Variants in UPP2 observed in about 807,000 individuals in gnomAD.
The protein encoded by UPP2 is UPase 2.
In UPP2, 23 loss-of-function variants were observed where a neutral mutation model predicts 26.7. That is an observed-to-expected ratio of 0.86 (90% confidence interval 0.62 to 1.22). The LOEUF (loss-of-function observed/expected upper bound fraction) is 1.22. Among genes scored for constraint, UPP2 ranks in the 50% most tolerant of loss-of-function variants. The pLI is 0.00. For synonymous variants in UPP2, 127 were observed against 141.3 expected, an observed-to-expected ratio of 0.90 and a Z score of 0.72; for missense variants, 387 against 396.7, an observed-to-expected ratio of 0.98 and a Z score of 0.21.
chr2:158,043,416 G>A (rs1325896923), intron 3 of UPP2, among the ~76,000 whole-genome samples: 1 of 152,210 alleles, frequency 6.6e-6, no homozygotes, highest in Non-Finnish European at 1.5e-5. Context: ...AAGCCTGGCA[G>A]ATGGGCAGAG....
At chr2:158,019,299 G>C (rs1683710141) in intron 3 of UPP2, among the ~76,000 whole-genome samples, 1 of 152,164 alleles carries the variant, frequency 6.6e-6, no homozygotes, top group Admixed American at 6.6e-5. Context: ...AGGCAAGTTG[G>C]TGGGATATGA....
intron 3 of UPP2, among the ~76,000 whole-genome samples, chr2:158,096,797 T>C (rs946834914): frequency 8.6e-5 from 13 of 152,016 alleles, no homozygotes; most frequent in Admixed American, 2.6e-4. Context: ...TAGAGTGGGA[T>C]AGTATTAAGG....
At chr2:158,119,384 T>C (rs1683511701) in intron 4 of UPP2, among the ~76,000 whole-genome samples, 1 of 152,086 alleles carries the variant, frequency 6.6e-6, no homozygotes, top group Non-Finnish European at 1.5e-5. Flanking sequence ...TTTGAAGTTT[T>C]ATCCTCATTA....
At chr2:157,999,600 C>A (rs1050039722) in intron 2 of UPP2, among the ~76,000 whole-genome samples, 5 of 151,940 alleles carry the variant, frequency 3.3e-5, no homozygotes, top group African/African-American at 1.2e-4. Context: ...CTGCTATAGT[C>A]ATTCACCACA....
At chr2:158,024,595 T>C (rs1221365980) in intron 3 of UPP2, among the ~76,000 whole-genome samples, 4 of 152,176 alleles carry the variant, frequency 2.6e-5, no homozygotes, top group African/African-American at 9.7e-5. Flanking sequence ...AACGTGAGTG[T>C]TAATTTTAAA....
rs201127057 is a variant in UPP2 at position 158,123,906 on chromosome 2, C to A, written c.811+11C>A. 6.2e-7 allele frequency: 1 copy of A among 1,610,690 alleles called. No homozygotes were observed. Reference sequence around the variant, plus strand: ...TCTGTGGTCTAAAAGGTAAGCTTTTCGTGAATGCTTAGGGTCAAATTCTCC... The same window carrying A: ...TCTGTGGTCTAAAAGGTAAGCTTTTAGTGAATGCTTAGGGTCAAATTCTCC... On this transcript the variant is annotated intron_variant, in intron 6 of 6. Coordinates refer to ENST00000005756, the MANE Select transcript of UPP2 (RefSeq NM_173355.4).
intron 3 of UPP2, among the ~76,000 whole-genome samples, chr2:158,018,281 G>A (rs1683692620): frequency 6.6e-6 from 1 of 152,206 alleles, no homozygotes; most frequent in Non-Finnish European, 1.5e-5. Flanking sequence ...CTTGTTTACA[G>A]AATTCAGAAG....
chr2:158,010,842 T>G (rs1683565700), intron 2 of UPP2, among the ~76,000 whole-genome samples: 1 of 151,142 alleles, frequency 6.6e-6, no homozygotes. Flanking sequence ...CTGGGCTCAC[T>G]GCAATCTCTG....
upstream of UPP2, chr2:158,101,848 T>C: frequency 7.5e-7 from 1 of 1,329,346 alleles, no homozygotes; most frequent in South Asian, 2.0e-5. Context: ...GGTATAAAAG[T>C]CATGTCAGGG....
At chr2:158,110,982 C>A (rs1387179592) in intron 2 of UPP2, among the ~76,000 whole-genome samples, 1 of 152,126 alleles carries the variant, frequency 6.6e-6, no homozygotes, top group East Asian at 1.9e-4. Flanking sequence ...ATGGTAGTTT[C>A]TTTTGCTGTG....
intron 3 of UPP2, among the ~76,000 whole-genome samples, chr2:158,084,014 G>C (rs765895711): frequency 1.3e-4 from 19 of 151,654 alleles, no homozygotes; most frequent in Non-Finnish European, 2.4e-4. Flanking sequence ...CTTTTCCTCT[G>C]AGTAGATATC....
intron 3 of UPP2, among the ~76,000 whole-genome samples, chr2:158,051,639 G>GA (rs1343305461): frequency 6.6e-6 from 1 of 152,022 alleles, no homozygotes; most frequent in African/African-American, 2.4e-5. Flanking sequence ...AAATTAGCTG[G>GA]GTGTGGTGGC....
intron 3 of UPP2, among the ~76,000 whole-genome samples, chr2:158,061,680 T>C (rs559370144): frequency 6.6e-6 from 1 of 152,262 alleles, no homozygotes; most frequent in Non-Finnish European, 1.5e-5. Context: ...AAACAGTTTC[T>C]TCTAGATCAT....
chr2:158,003,537 A>T (rs188171225), intron 2 of UPP2, among the ~76,000 whole-genome samples: 1 of 152,044 alleles, frequency 6.6e-6, no homozygotes, highest in East Asian at 1.9e-4. Context: ...GTGAAACCCC[A>T]TCTTTACTAA....
At chr2:158,065,626 T>C (rs1360528841) in intron 3 of UPP2, 2 of 581,880 alleles carry the variant, frequency 3.4e-6, no homozygotes, top group East Asian at 7.7e-5. Context: ...ACCCAACCAA[T>C]GTGACCTTAA....
intron 3 of UPP2, among the ~76,000 whole-genome samples, chr2:158,091,550 C>T (rs980807148): frequency 6.6e-6 from 1 of 152,088 alleles, no homozygotes; most frequent in African/African-American, 2.4e-5. Flanking sequence ...TATTTGTTAC[C>T]CTGTTGCCAC....
intron 2 of UPP2, among the ~76,000 whole-genome samples, chr2:158,001,995 C>A (rs1683416284): frequency 7.1e-6 from 1 of 140,950 alleles, no homozygotes; most frequent in Non-Finnish European, 1.5e-5. Context: ...AGAGAGAGAG[C>A]TGTTACCTTA....
intron 3 of UPP2, chr2:158,065,686 G>A: frequency 3.2e-6 from 2 of 621,568 alleles, no homozygotes; most frequent in South Asian, 3.1e-5. Flanking sequence ...CAATAGATAA[G>A]AGTATGTAAA....
chr2:158,013,029 A>C (rs559658144), intron 2 of UPP2, among the ~76,000 whole-genome samples: 10 of 152,040 alleles, frequency 6.6e-5, no homozygotes, highest in African/African-American at 2.4e-4. Flanking sequence ...TTTTTGAAAT[A>C]GATTCTTGCT....
Sources: allele counts gnomAD v4.1 joint callset (sites outside exome capture counted in the v4.1 genomes callset), GRCh38; gene constraint gnomAD v4.1.1; transcripts MANE v1.5; gene names NCBI Gene and HGNC (gene_info 2026-07-23, HGNC 2026-07-21).